Variants in DNAH9 observed in about 807,000 individuals in gnomAD.
DNAH9 encodes the protein dynein axonemal heavy chain 9.
In DNAH9, 345 loss-of-function variants were observed where a neutral mutation model predicts 471.6. The observed-to-expected ratio is 0.73, with a 90% CI of 0.67 to 0.80. The LOEUF is 0.80. Among genes scored for constraint, DNAH9 ranks in the 30% least tolerant of loss-of-function variants. DNAH9 has a pLI of 0.00. For synonymous variants in DNAH9, 2,093 were observed against 2,123.6 expected, an observed-to-expected ratio of 0.99 and a Z score of 0.40; for missense variants, 5,407 against 5,609.2, an observed-to-expected ratio of 0.96 and a Z score of 1.15.
intron 43 of DNAH9, among the ~76,000 whole-genome samples, chr17:11,803,182 G>T (rs1969531737): frequency 6.6e-6 from 1 of 152,104 alleles, no homozygotes; most frequent in African/African-American, 2.4e-5. Flanking sequence ...TTCTTGTTCT[G>T]CTTTTTCTTC....
At chr17:11,871,056 A>G (rs1280016180) in intron 51 of DNAH9, among the ~76,000 whole-genome samples, 1 of 152,056 alleles carries the variant, frequency 6.6e-6, no homozygotes, top group Non-Finnish European at 1.5e-5. Context: ...TCCCAGGGAG[A>G]CTGTACCAAC....
At chr17:11,745,446 C>A (rs563700105) in intron 31 of DNAH9, among the ~76,000 whole-genome samples, 38 of 152,246 alleles carry the variant, frequency 2.5e-4, no homozygotes, top group Non-Finnish European at 4.0e-4. Context: ...GGATAGAGAC[C>A]AGCAAAAGAG....
intron 60 of DNAH9, among the ~76,000 whole-genome samples, chr17:11,903,463 T>G (rs1235680364): frequency 6.6e-6 from 1 of 152,246 alleles, no homozygotes; most frequent in Non-Finnish European, 1.5e-5. Flanking sequence ...GGTAAATGTA[T>G]TAAGTTATTG....
chr17:11,900,684 G>A (rs11651983), intron 59 of DNAH9, among the ~76,000 whole-genome samples: 17,325 of 152,000 alleles, frequency 0.11, 1,088 homozygotes, highest in East Asian at 0.2. Context: ...GTATCTGGCA[G>A]GTAGTAGGAA....
intron 20 of DNAH9, among the ~76,000 whole-genome samples, chr17:11,693,555 G>A (rs143958660): frequency 4.6e-5 from 7 of 152,080 alleles, no homozygotes; most frequent in South Asian, 2.1e-4. Flanking sequence ...CACGGCGCCC[G>A]GTCTAAATGC....
At position 11,610,573 on chromosome 17, in the gene DNAH9, G is replaced by A; in HGVS notation, c.773+19G>A. The A allele has an allele frequency of 6.2e-7, 1 of 1,610,932 alleles. No individual in the cohort carries two copies. Among genetic ancestry groups the A allele is most frequent in the South Asian group, 1.1e-5 (1 of 90,836 alleles). ...AGAGCAGGTAGGCAAGAAGGCACAT[G>A]CTGGAAGTCTGGGGTGAAGATGTCT... On this transcript the variant is annotated intron_variant, in intron 3 of 68. Transcript: ENST00000262442.
chr17:11,684,212 A>C (rs2074192923), intron 19 of DNAH9, among the ~76,000 whole-genome samples: 1 of 152,138 alleles, frequency 6.6e-6, no homozygotes, highest in East Asian at 1.9e-4. Flanking sequence ...ACACAGATTA[A>C]GCTCAGTTTT....
rs116826732 is a variant in DNAH9 at position 11,892,699 on chromosome 17, C to G, written c.11283+752C>G. ...CCGTGTAGCTGGGATTACAGGTGTG[C>G]GCCACCAGGCCCAGCGAATTTTTTT... On this transcript the variant is annotated intron_variant, in intron 58 of 68. Coordinates refer to ENST00000262442, the MANE Select transcript of DNAH9 (RefSeq NM_001372.4). The surrounding 1 kb of genome is among the most constrained non-coding windows in gnomAD (Gnocchi z 4.3). Among the ~76,000 whole-genome samples, 1 of 152,002 alleles carries G rather than the reference C, an allele frequency of 6.6e-6. No homozygotes were observed. The highest frequency in any genetic ancestry group is 2.4e-5 in the African/African-American group (1 of 41,390).
intron 49 of DNAH9, among the ~76,000 whole-genome samples, chr17:11,840,000 T>C (rs917172058): frequency 1.2e-4 from 18 of 152,174 alleles, no homozygotes; most frequent in African/African-American, 3.9e-4. Flanking sequence ...GAAAACAGTA[T>C]ACAAAGGCTT....
Position 11,640,310 on chromosome 17 carries a change from C to A in DNAH9, c.1827C>A (p.Gly609=), listed in dbSNP as rs764472318. ...PVHKNMPTVA[G]GLRWAQELRQ... ...ACAAGAACATGCCCACCGTGGCTGG[C>A]GGCCTCCGCTGGGCACAGGAGCTGA... The change falls in exon 10 of 69, where the codon GGC becomes GGA. Residue 609 remains glycine (G), a synonymous_variant. Transcript: ENST00000262442. The A allele has an allele frequency of 3.1e-6, 5 of 1,612,366 alleles. No individual in the cohort carries two copies. The highest frequency in any genetic ancestry group is 4.2e-6 in the Non-Finnish European group (5 of 1,179,796).
chr17:11,623,009 T>C lies in DNAH9; in HGVS notation c.1350+3228T>C, dbSNP rs1057188210. On this transcript the variant is annotated intron_variant, in intron 6 of 68. Transcript: ENST00000262442. The surrounding 1 kb of genome is among the most constrained non-coding windows in gnomAD (Gnocchi z 4.1). Reference sequence around the variant, plus strand: ...TTTTCTCGAGATGGAGTTTTGCTCTTGTTGCCCAGGCTGGAGTGCAGTGGC... The same window carrying C: ...TTTTCTCGAGATGGAGTTTTGCTCTCGTTGCCCAGGCTGGAGTGCAGTGGC... 1.3e-5 allele frequency among the ~76,000 whole-genome samples: 2 copies of C among 149,568 alleles called. No individual in the cohort carries two copies. The highest frequency in any genetic ancestry group is 3.0e-5 in the Non-Finnish European group (2 of 67,562).
chr17:11,804,910 G>A lies in DNAH9; in HGVS notation c.8421-2822G>A, dbSNP rs1286528655. Among the ~76,000 whole-genome samples, 5 of 151,744 alleles carry A rather than the reference G, an allele frequency of 3.3e-5. No individual in the cohort carries two copies. In the East Asian group the frequency reaches 9.7e-4, roughly 30 times the overall value. On this transcript the variant is annotated intron_variant, in intron 43 of 68. Transcript: ENST00000262442. The stretch of plus-strand genomic sequence containing the variant: ...AAAAAGTTCTTTGGGGGCCAGGAGT[G>A]GTGGCATGCAAATGTAATCTCCGCT...
chr17:11,715,088 G>T (rs1231500928), intron 26 of DNAH9, among the ~76,000 whole-genome samples: 1 of 152,202 alleles, frequency 6.6e-6, no homozygotes, highest in Non-Finnish European at 1.5e-5. Context: ...AGCCAACTAT[G>T]ACTCCACCTA....
chr17:11,830,347 A>G (rs768525896), intron 48 of DNAH9, among the ~76,000 whole-genome samples: 1 of 152,214 alleles, frequency 6.6e-6, no homozygotes, highest in African/African-American at 2.4e-5. Context: ...GATAGAAGAA[A>G]TGTTTATAAA....
intron 61 of DNAH9, 138 bp from the exon 62 acceptor site, chr17:11,923,676 C>A: frequency 1.0e-6 from 1 of 964,290 alleles, no homozygotes; most frequent in South Asian, 2.0e-5. Flanking sequence ...GGAAAAGGGT[C>A]AGTATATGAG....
intron 67 of DNAH9, 104 bp from the exon 68 acceptor site, chr17:11,961,763 A>T (rs1976202973): frequency 3.7e-6 from 5 of 1,338,722 alleles, no homozygotes; most frequent in Non-Finnish European, 5.1e-6. Context: ...AGGATGGATA[A>T]CTCTTGTCTG....
chr17:11,823,789 G>A (rs1050460755), intron 48 of DNAH9, among the ~76,000 whole-genome samples: 4 of 152,078 alleles, frequency 2.6e-5, no homozygotes, highest in African/African-American at 9.7e-5. Flanking sequence ...AATTAGCTGG[G>A]CATGGTGGCG....
Position 11,853,990 on chromosome 17 carries a change from T to A in DNAH9, c.9508-13T>A, listed in dbSNP as rs1156334565. ...ATTCATGTTCCCCTAACCACCTCCT[T>A]CTCTTTTCCCAGACCAACCTGACAG... On this transcript the variant is annotated splice_polypyrimidine_tract_variant and intron_variant, in intron 49 of 68. Coordinates refer to ENST00000262442, the MANE Select transcript of DNAH9 (RefSeq NM_001372.4). 5 of 1,610,798 alleles carry A rather than the reference T, an allele frequency of 3.1e-6. No individual in the cohort carries two copies. In the African/African-American group the frequency reaches 6.7e-5, roughly 22 times the overall value.
intron 59 of DNAH9, among the ~76,000 whole-genome samples, chr17:11,900,503 CAAAA>C (rs71367356): frequency 2.3e-4 from 25 of 108,128 alleles, no homozygotes; most frequent in African/African-American, 3.3e-5. Flanking sequence ...CTTCCCCTGC[CAAAA>C]AAAAAAAAAA....
Sources: allele counts gnomAD v4.1 joint callset (sites outside exome capture counted in the v4.1 genomes callset), GRCh38; gene constraint gnomAD v4.1.1; non-coding constraint Gnocchi (gnomAD v3.1); transcripts MANE v1.5; gene names NCBI Gene and HGNC (gene_info 2026-07-23, HGNC 2026-07-21).